The following MAGI1 variants were observed in gnomAD, a reference collection of about 807,000 sequenced individuals.
MAGI1 encodes the protein membrane associated guanylate kinase, WW and PDZ domain containing 1.
MAGI1 carries 58 observed loss-of-function variants against 139.9 expected under a neutral mutation model. The ratio of observed to expected loss-of-function variants is 0.41; its 90% CI spans 0.34 to 0.52. MAGI1 has a LOEUF of 0.52. Among genes scored for constraint, MAGI1 ranks in the 20% least tolerant of loss-of-function variants. MAGI1 has a pLI of 0.12. For missense variants in MAGI1, 1,874 were observed against 1,901.6 expected, an observed-to-expected ratio of 0.99 and a Z score of 0.27; for synonymous variants, 812 against 737.9, an observed-to-expected ratio of 1.10 and a Z score of -1.63.
chr3:65,401,358 C>T (rs780987562), intron 13 of MAGI1, 81 bp downstream of exon 13: 50 of 1,489,860 alleles, frequency 3.4e-5, no homozygotes, highest in Non-Finnish European at 3.9e-5. Context: ...GAAGTGAAGC[C>T]ACACAGAGTA....
intron 4 of MAGI1, among the ~76,000 whole-genome samples, chr3:65,474,869 C>T (rs1452310425): frequency 2.0e-5 from 3 of 152,286 alleles, no homozygotes; most frequent in East Asian, 3.9e-4. Flanking sequence ...TTCTGGGTTG[C>T]AGTGGCAGCT....
intron 5 of MAGI1, among the ~76,000 whole-genome samples, chr3:65,460,483 T>C (rs1025454409): frequency 1.3e-5 from 2 of 152,172 alleles, no homozygotes; most frequent in African/African-American, 4.8e-5. Flanking sequence ...ATTATCTTTT[T>C]TTTTTGTGAT....
intron 1 of MAGI1, among the ~76,000 whole-genome samples, chr3:66,005,126 G>A (rs961761084): frequency 8.5e-5 from 13 of 152,104 alleles, no homozygotes; most frequent in Non-Finnish European, 1.6e-4. Context: ...TATTTTTAAT[G>A]GATCACAGAG....
At position 65,391,170 on chromosome 3, in the gene MAGI1, G is replaced by T; in HGVS notation, c.2388C>A (p.Ala796=). 1 of 1,614,208 alleles carries T rather than the reference G, an allele frequency of 6.2e-7. No homozygotes were observed. The highest frequency in any genetic ancestry group is 1.3e-5 in the African/African-American group (1 of 75,038). The change falls in exon 14 of 23, where the codon GCC becomes GCA. Residue 796 remains alanine, a synonymous_variant. Transcript: ENST00000402939. Reference sequence around the variant, plus strand: ...GGTTTTCATACATGCTCCTGGACTGGGCCCAGATTTTAAAAGGATCTGGTT... The same window carrying T: ...GGTTTTCATACATGCTCCTGGACTGTGCCCAGATTTTAAAAGGATCTGGTT... The part of the protein sequence containing the change: ...QKKPDPFKIW[A]QSRSMYENRL...
intron 1 of MAGI1, among the ~76,000 whole-genome samples, chr3:65,992,578 G>A (rs1480444381): frequency 2.0e-5 from 3 of 152,276 alleles, no homozygotes; most frequent in African/African-American, 4.8e-5. Context: ...ACCCTTCCAA[G>A]GGGATCTTGT....
intron 1 of MAGI1, among the ~76,000 whole-genome samples, chr3:65,949,898 A>T (rs1363370748): frequency 6.6e-6 from 1 of 151,988 alleles, no homozygotes; most frequent in African/African-American, 2.4e-5. Flanking sequence ...AAAATACATA[A>T]ATTAGCCGGG....
At chr3:65,892,166 C>T (rs1254760498) in intron 1 of MAGI1, among the ~76,000 whole-genome samples, 1 of 151,912 alleles carries the variant, frequency 6.6e-6, no homozygotes, top group Non-Finnish European at 1.5e-5. Flanking sequence ...CTTCTGATCA[C>T]AGCCTGATGG....
intron 1 of MAGI1, among the ~76,000 whole-genome samples, chr3:65,747,649 A>G (rs62244005): frequency 0.14 from 21,021 of 152,208 alleles, 1,860 homozygotes; most frequent in Non-Finnish European, 0.21. Flanking sequence ...GACTTCAGTT[A>G]AGTGATGTGT....
At chr3:65,890,721 T>C (rs1393147066) in intron 1 of MAGI1, among the ~76,000 whole-genome samples, 1 of 152,182 alleles carries the variant, frequency 6.6e-6, no homozygotes. Context: ...AGAACCACTA[T>C]GGTTGAAGGA....
intron 1 of MAGI1, among the ~76,000 whole-genome samples, chr3:65,923,036 T>C (rs2062297433): frequency 6.6e-6 from 1 of 152,144 alleles, no homozygotes; most frequent in Non-Finnish European, 1.5e-5. Flanking sequence ...CCTTAGGGCT[T>C]AGAAGTGCTT....
At chr3:65,480,340 C>G (rs920719366) in intron 3 of MAGI1, among the ~76,000 whole-genome samples, 2 of 151,908 alleles carry the variant, frequency 1.3e-5, no homozygotes, top group African/African-American at 2.4e-5. Context: ...CAAGACCAGC[C>G]TGGGCAACAT....
At chr3:66,007,348 C>T (rs932093816) in intron 1 of MAGI1, among the ~76,000 whole-genome samples, 3 of 152,166 alleles carry the variant, frequency 2.0e-5, no homozygotes, top group Non-Finnish European at 4.4e-5. Context: ...ATATCATTAA[C>T]AGGTAAGAAT....
chr3:65,517,167 C>G (rs914686496), intron 2 of MAGI1, among the ~76,000 whole-genome samples: 1 of 152,272 alleles, frequency 6.6e-6, no homozygotes, highest in East Asian at 1.9e-4. Context: ...TCTTAGACTA[C>G]TCCAGAAAGA....
At chr3:65,985,108 G>A (rs1225480285) in intron 1 of MAGI1, among the ~76,000 whole-genome samples, 1 of 152,160 alleles carries the variant, frequency 6.6e-6, no homozygotes, top group Non-Finnish European at 1.5e-5. Context: ...AAAAGGCTCT[G>A]TTACTCTCTT....
At chr3:66,026,221 C>T (rs773888453) in intron 1 of MAGI1, among the ~76,000 whole-genome samples, 1 of 152,070 alleles carries the variant, frequency 6.6e-6, no homozygotes, top group Non-Finnish European at 1.5e-5. Flanking sequence ...GTACCTTCCA[C>T]GGCCACATTA....
At chr3:65,418,867 G>A (rs1575674826) in intron 12 of MAGI1, among the ~76,000 whole-genome samples, 1 of 152,334 alleles carries the variant, frequency 6.6e-6, no homozygotes, top group African/African-American at 2.4e-5. Context: ...GCCCTCAGGG[G>A]ACGTTATGCC....
chr3:66,004,779 G>A (rs1402471817), intron 1 of MAGI1, among the ~76,000 whole-genome samples: 3 of 152,090 alleles, frequency 2.0e-5, no homozygotes, highest in Admixed American at 6.6e-5. Flanking sequence ...TGAGTCTCAG[G>A]CATCTTCGAC....
At position 66,016,737 on chromosome 3, in the gene MAGI1, G is replaced by A. The variant is rs549585014; in HGVS notation, c.313+21259C>T. Reference sequence around the variant, plus strand: ...AGATAAAAGTCAAATAGGACAAGGTGGAAACAACCCAATCTCCATCAACAG... The same window carrying A: ...AGATAAAAGTCAAATAGGACAAGGTAGAAACAACCCAATCTCCATCAACAG... On this transcript the variant is annotated intron_variant, in intron 1 of 22. Coordinates refer to ENST00000402939, the MANE Select transcript of MAGI1 (RefSeq NM_001033057.2). Among the ~76,000 whole-genome samples, 26 of 152,186 alleles carry A rather than the reference G, an allele frequency of 1.7e-4. No individual in the cohort carries two copies. The South Asian group carries it at 5.4e-3, about 32-fold the overall frequency.
intron 3 of MAGI1, among the ~76,000 whole-genome samples, chr3:65,489,283 G>T (rs1292799021): frequency 3.9e-5 from 6 of 152,162 alleles, no homozygotes; most frequent in Non-Finnish European, 8.8e-5. Context: ...TCAAAGTCAG[G>T]TAGTTTTGGT....
Sources: gnomAD v4.1 joint callset for allele counts (sites outside exome capture counted in the v4.1 genomes callset) on GRCh38, gnomAD v4.1.1 for gene constraint, MANE v1.5 for transcripts, NCBI Gene and HGNC (gene_info 2026-07-23, HGNC 2026-07-21) for gene names.